Variants in PLEKHG5 observed in about 807,000 individuals in gnomAD.
PLEKHG5 encodes pleckstrin homology and RhoGEF domain containing G5.
In PLEKHG5, 52 loss-of-function variants were observed where a neutral mutation model predicts 103.8. That is an observed-to-expected ratio of 0.50 (90% CI 0.40 to 0.63). PLEKHG5 has a LOEUF of 0.63. Among genes scored for constraint, PLEKHG5 ranks in the 30% least tolerant of loss-of-function variants. The pLI, the probability that PLEKHG5 is intolerant of heterozygous loss-of-function variation, is 0.00. For missense variants in PLEKHG5, 1,205 were observed against 1,347.6 expected, an observed-to-expected ratio of 0.89 and a Z score of 1.66; for synonymous variants, 592 against 575.5, an observed-to-expected ratio of 1.03 and a Z score of -0.41.
In PLEKHG5 at chr1:6,470,987, C is replaced by A; in HGVS notation, c.1392+3G>T. ...CCCCCGCCCACGGCACGCGCGCCCT[C>A]ACCGTGATGTAGGCCCGGAAGAGGT... is the stretch of plus-strand genomic sequence containing the variant. On this transcript the variant is annotated splice_donor_region_variant and intron_variant, in intron 13 of 20. Coordinates refer to ENST00000377728, the MANE Select transcript of PLEKHG5 (RefSeq NM_020631.6). 6.3e-7 allele frequency: 1 copy of A among 1,597,692 alleles called. No homozygotes were observed. The highest frequency in any genetic ancestry group is 2.3e-5 in the East Asian group (1 of 43,692).
In PLEKHG5 at chr1:6,473,304, T is replaced by C. The variant is rs1293180285; in HGVS notation, c.742A>G (p.Ser248Gly). 1 of 1,582,546 alleles carries C rather than the reference T, an allele frequency of 6.3e-7. No individual in the cohort carries two copies. Among genetic ancestry groups the C allele is most frequent in the Non-Finnish European group, 8.6e-7 (1 of 1,165,178 alleles). The change falls in exon 8 of 21, where the codon AGT becomes GGT. Residue 248 changes from serine (S) to glycine (G), a missense_variant. Physicochemically the swap from Ser to Gly is moderately conservative, Grantham distance 56. Transcript: ENST00000377728. The stretch of plus-strand genomic sequence containing the variant: ...GAGCTGAAAAAGCCGCTGAAGCGAC[T>C]GGCCGCCCGGTTCTTCCAGCTGTCG... Reference protein sequence around the residue: ...TGDSWKNRAASRFSGFFSSGP... With the variant: ...TGDSWKNRAAGRFSGFFSSGP...
rs150324817 is a variant in PLEKHG5, at chr1:6,468,968, G to T, written c.2249+74C>A. On this transcript the variant is annotated intron_variant, in intron 19 of 20. Coordinates refer to ENST00000377728, the MANE Select transcript of PLEKHG5 (RefSeq NM_020631.6). ...AGGCCATTGGGAGGAAGGGAGCGTG[G>T]CTGGGCCTTCAGGAGTCCTGGGCTA... is the stretch of plus-strand genomic sequence containing the variant. The T allele has an allele frequency of 5.2e-5, 65 of 1,239,634 alleles. No individual in the cohort carries two copies. In the African/African-American group the frequency reaches 8.0e-4, roughly 15 times the overall value. The allele number at this position is 1,239,634 out of a possible 1,614,324, so 76.8% of individuals were successfully genotyped here. A position where few individuals can be genotyped will look rare whatever the true frequency, so the allele number is the denominator to read the frequency against.
intron 1 of PLEKHG5, among the ~76,000 whole-genome samples, chr1:6,512,060 G>C (rs1445315401): frequency 6.6e-6 from 1 of 152,196 alleles, no homozygotes; most frequent in African/African-American, 2.4e-5. Context: ...GGGCCTTCAA[G>C]GTGGCATCTC....
upstream of PLEKHG5, among the ~76,000 whole-genome samples, chr1:6,499,926 A>C (rs1196420068): frequency 6.6e-6 from 1 of 151,940 alleles, no homozygotes; most frequent in East Asian, 1.9e-4. Context: ...CAGCCTACCG[A>C]GTAGCTGGGA....
chr1:6,471,826 G>A lies in PLEKHG5; in HGVS notation c.1081-18C>T, dbSNP rs764717342. On this transcript the variant is annotated intron_variant, in intron 10 of 20. Transcript: ENST00000377728. ...AGGAACAGCTGTGGGATCAGGGGAT[G>A]GTGTGACTGGGGTCGGGAGGCTGTC... 1 of 1,598,658 alleles carries A rather than the reference G, an allele frequency of 6.3e-7. No homozygotes were observed. Among genetic ancestry groups the A allele is most frequent in the South Asian group, 1.1e-5 (1 of 88,378 alleles).
At chr1:6,506,445 G>T (rs563717794) in intron 1 of PLEKHG5, among the ~76,000 whole-genome samples, 1 of 152,368 alleles carries the variant, frequency 6.6e-6, no homozygotes, top group African/African-American at 2.4e-5. Flanking sequence ...CCCCACCGAG[G>T]AGACGGGCTG....
chr1:6,468,822 C>T (rs919285116), intron 19 of PLEKHG5, among the ~76,000 whole-genome samples: 2 of 152,194 alleles, frequency 1.3e-5, no homozygotes, highest in African/African-American at 4.8e-5. Flanking sequence ...GGATCCTCAG[C>T]ACAGCACCCC....
chr1:6,493,957 G>A (rs564502404), upstream of PLEKHG5, among the ~76,000 whole-genome samples: 1 of 149,824 alleles, frequency 6.7e-6, no homozygotes, highest in South Asian at 2.1e-4. Context: ...CCTGCGCCTG[G>A]CCTGTTATTT....
At chr1:6,492,278 T>C (rs1459256383), upstream of PLEKHG5, among the ~76,000 whole-genome samples, 3 of 152,112 alleles carry the variant, frequency 2.0e-5, no homozygotes, top group Non-Finnish European at 4.4e-5. Flanking sequence ...ATGTCCCCTG[T>C]GGCCCAGGGC....
chr1:6,467,505 A>G lies in PLEKHG5; in HGVS notation c.*58T>C. ...GCTGAAGCAGGTGCCGGCACGCCCC[A>G]GGAGGCAGGCTGTCTGCTGTCTCTT... On this transcript the variant is annotated 3_prime_UTR_variant, in exon 21 of 21. Coordinates refer to ENST00000377728, the MANE Select transcript of PLEKHG5 (RefSeq NM_020631.6). 1 of 1,574,008 alleles carries G rather than the reference A, an allele frequency of 6.4e-7. No homozygotes were observed. The highest frequency in any genetic ancestry group is 8.7e-7 in the Non-Finnish European group (1 of 1,144,192).
intron 1 of PLEKHG5, among the ~76,000 whole-genome samples, chr1:6,483,532 G>C (rs1644951318): frequency 6.6e-6 from 1 of 152,196 alleles, no homozygotes; most frequent in South Asian, 2.1e-4. Context: ...GGGTGTGGTG[G>C]CGCTCTCTTG....
chr1:6,474,164 G>A lies in PLEKHG5; in HGVS notation c.440C>T (p.Ala147Val). 1.2e-6 allele frequency: 2 copies of A among 1,613,350 alleles called. No individual in the cohort carries two copies. The highest frequency in any genetic ancestry group is 1.7e-6 in the Non-Finnish European group (2 of 1,179,952). ...RFGGHYLRVK[A>V]PAKPGDEGKV... ...GCCCTCATCTCCAGGCTTGGCTGGG[G>A]CTGCATGTGGGGGCCACGAGAGATC... Residue 147 changes from alanine to valine, a missense_variant and splice_region_variant, in exon 7 of 21, where the codon GCC becomes GTC. Coordinates refer to ENST00000377728, the MANE Select transcript of PLEKHG5 (RefSeq NM_020631.6).
Position 6,469,244 on chromosome 1 carries a change from G to T in PLEKHG5, c.2050-3C>A. On this transcript the variant is annotated splice_polypyrimidine_tract_variant and splice_region_variant and intron_variant, in intron 18 of 20. Coordinates refer to ENST00000377728, the MANE Select transcript of PLEKHG5 (RefSeq NM_020631.6). ...GCACGCAGCTGTTGCAGCTGGTTCT[G>T]CAGGCAAGGTTGGGGTACATGGGAC... 3 of 1,613,948 alleles carry T rather than the reference G, an allele frequency of 1.9e-6. No individual in the cohort carries two copies. The highest frequency in any genetic ancestry group is 2.5e-6 in the Non-Finnish European group (3 of 1,180,000).
chr1:6,500,827 C>A (rs938872696), upstream of PLEKHG5, among the ~76,000 whole-genome samples: 2 of 152,194 alleles, frequency 1.3e-5, no homozygotes, highest in Non-Finnish European at 2.9e-5. Context: ...CTGGCTCCCC[C>A]ACCTCCCGTC....
chr1:6,500,375 T>A (rs1181618190), upstream of PLEKHG5, among the ~76,000 whole-genome samples: 1 of 151,956 alleles, frequency 6.6e-6, no homozygotes, highest in East Asian at 1.9e-4. Context: ...GCTCTCGGGG[T>A]GGCAGGGGGG....
chr1:6,470,591 C>T lies in PLEKHG5; in HGVS notation c.1595G>A (p.Arg532Gln), dbSNP rs746978721. The stretch of plus-strand genomic sequence containing the variant: ...GGCCGCCAGCCGCTGCCGCTCCTGC[C>T]GCTGCCGCATGCACGCGTTCACGTG... ...IHHVNACMRQRQERQRLAAVV... is the reference protein window; with the variant it reads ...IHHVNACMRQQQERQRLAAVV... Residue 532 changes from arginine (R) to glutamine (Q), a missense_variant, in exon 15 of 21, where the codon CGG becomes CAG. Transcript: ENST00000377728. 2 of 1,603,130 alleles carry T rather than the reference C, an allele frequency of 1.2e-6. No homozygotes were observed. The highest frequency in any genetic ancestry group is 1.7e-6 in the Non-Finnish European group (2 of 1,178,930).
rs1638304118 is a variant in PLEKHG5 at position 6,505,939 on chromosome 1, G to C, written c.-164-9370C>G. 6.6e-6 allele frequency: 1 copy of C among 152,618 alleles called. No individual in the cohort carries two copies. Among genetic ancestry groups the C allele is most frequent in the African/African-American group, 2.4e-5 (1 of 41,470 alleles). The allele number at this position is 152,618 out of a possible 1,614,324, so 9.5% of individuals were successfully genotyped here. A position where few individuals can be genotyped will look rare whatever the true frequency, so the allele number is the denominator to read the frequency against. On this transcript the variant is annotated intron_variant, in intron 1 of 21. Transcript: ENST00000377740. The surrounding 1 kb of genome is among the most constrained non-coding windows in gnomAD (Gnocchi z 4.2). The stretch of plus-strand genomic sequence containing the variant: ...GAGCAAGTGACTGTCAGCAGCATGT[G>C]TGTGTGAATGGGCTACAGGCCCTGG...
chr1:6,476,847 G>A (rs957776928), intron 2 of PLEKHG5, among the ~76,000 whole-genome samples: 4 of 151,996 alleles, frequency 2.6e-5, no homozygotes, highest in South Asian at 2.1e-4. Flanking sequence ...CTCCATTGTC[G>A]GGGTTCAAGC....
At chr1:6,495,851 A>G (rs1044872802), upstream of PLEKHG5, among the ~76,000 whole-genome samples, 24 of 152,242 alleles carry the variant, frequency 1.6e-4, no homozygotes, top group African/African-American at 5.5e-4. Flanking sequence ...AGCTGCCGCA[A>G]TCAGTGCATA....
Sources: gnomAD v4.1 joint callset for allele counts (sites outside exome capture counted in the v4.1 genomes callset) on GRCh38, gnomAD v4.1.1 for gene constraint, Gnocchi (gnomAD v3.1) non-coding constraint, MANE v1.5 for transcripts, NCBI Gene and HGNC (gene_info 2026-07-23, HGNC 2026-07-21) for gene names.